Variants in CEP63 observed in about 807,000 individuals in gnomAD.
CEP63 encodes the protein centrosomal protein of 63 kDa.
Under a neutral mutation model 89.1 loss-of-function variants are expected in CEP63, and 84 were observed. That is an observed-to-expected ratio of 0.94 (90% CI 0.79 to 1.13). The LOEUF (loss-of-function observed/expected upper bound fraction) is 1.13, where lower values mean the gene tolerates loss of function less well. CEP63 is among the 50% of genes most tolerant of loss of function. The probability of loss-of-function intolerance (pLI) is 0.00; values close to 1 mark genes in which losing one functional copy is unlikely to be tolerated. For synonymous variants in CEP63, 267 were observed against 272.5 expected (o/e 0.98, Z 0.20); for missense variants, 838 against 813.3 (o/e 1.03, Z -0.37).
chr3:134,547,218 C>T (rs531789857), intron 8 of CEP63, 117 bp from the exon 9 acceptor site: 13 of 880,628 alleles, frequency 1.5e-5, no homozygotes, highest in Non-Finnish European at 2.4e-5. Context: ...AAGCAGGAGA[C>T]AAACTTGAAG....
intron 1 of CEP63, among the ~76,000 whole-genome samples, chr3:134,494,163 T>G (rs554674528): frequency 6.6e-6 from 1 of 152,054 alleles, no homozygotes; most frequent in African/African-American, 2.4e-5. Context: ...CCACCCAGGC[T>G]GTAGTGCAAT....
chr3:134,756,153 A>G, the CEP63 span, among the ~76,000 whole-genome samples: 2 of 152,214 alleles, frequency 1.3e-5, no homozygotes, highest in Non-Finnish European at 2.9e-5. Flanking sequence ...TTGGGTCTAA[A>G]TGGCATCTTA....
the CEP63 span, among the ~76,000 whole-genome samples, chr3:134,708,856 A>G: frequency 4.6e-5 from 7 of 152,190 alleles, no homozygotes; most frequent in South Asian, 6.2e-4. Context: ...GGGGCAGCCA[A>G]TCACAGTCAC....
intron 3 of CEP63, among the ~76,000 whole-genome samples, chr3:134,512,574 T>C (rs938130114): frequency 6.6e-6 from 1 of 152,174 alleles, no homozygotes; most frequent in Non-Finnish European, 1.5e-5. Flanking sequence ...AAAATAGTAA[T>C]CTTCCCCACC....
At chr3:134,648,518 A>G in the CEP63 span, among the ~76,000 whole-genome samples, 1 of 152,196 alleles carries the variant, frequency 6.6e-6, no homozygotes, top group East Asian at 1.9e-4. Flanking sequence ...CTGCAGGAGT[A>G]TATGCACTCT....
chr3:134,516,530 C>T (rs1007953173), intron 3 of CEP63, among the ~76,000 whole-genome samples: 1 of 152,128 alleles, frequency 6.6e-6, no homozygotes, highest in South Asian at 2.1e-4. Flanking sequence ...CCCATGAGGC[C>T]GAATTTCAGA....
At chr3:134,541,511 T>C (rs988694868) in intron 6 of CEP63, among the ~76,000 whole-genome samples, 42 of 135,906 alleles carry the variant, frequency 3.1e-4, no homozygotes, top group Non-Finnish European at 4.9e-4. Context: ...ACTAGCCAAC[T>C]TTTTTTTTTT....
chr3:134,668,029 C>G, the CEP63 span, among the ~76,000 whole-genome samples: 1 of 152,212 alleles, frequency 6.6e-6, no homozygotes, highest in Non-Finnish European at 1.5e-5. Context: ...CCTGGTGACA[C>G]GTCCTGGGAG....
At chr3:134,525,481 T>A (rs1422953780) in intron 3 of CEP63, among the ~76,000 whole-genome samples, 1 of 152,216 alleles carries the variant, frequency 6.6e-6, no homozygotes, top group Non-Finnish European at 1.5e-5. Flanking sequence ...TTTATCCAGC[T>A]TGCCATTCTG....
intron 3 of CEP63, among the ~76,000 whole-genome samples, chr3:134,516,241 C>G (rs1425999278): frequency 1.3e-5 from 2 of 152,180 alleles, no homozygotes; most frequent in African/African-American, 4.8e-5. Context: ...AAGTGCTGTG[C>G]TTTAGATATG....
Position 134,559,200 on chromosome 3 carries a change from A to G in CEP63, c.1724A>G (p.Lys575Arg), listed in dbSNP as rs200844433. ...GATGGAATAAAGACTGAGCACTACA[A>G]AACAGATCTTCATTCTCCAAGAGGA... The part of the protein sequence containing the change: ...RHDGIKTEHY[K>R]TDLHSPRGQA... Residue 575 changes from lysine to arginine, a missense_variant, in exon 14 of 15, where the codon AAA (lysine) becomes AGA (arginine). Coordinates refer to ENST00000675561, the MANE Select transcript of CEP63 (RefSeq NM_001353108.3). 1.9e-6 allele frequency: 3 copies of G among 1,614,178 alleles called. No individual in the cohort carries two copies. Among genetic ancestry groups the G allele is most frequent in the Non-Finnish European group, 1.7e-6 (2 of 1,180,008 alleles).
At chr3:134,621,025 A>C in the CEP63 span, among the ~76,000 whole-genome samples, 1 of 152,156 alleles carries the variant, frequency 6.6e-6, no homozygotes. Flanking sequence ...AGGTGGGGGA[A>C]GTTGGACAGG....
the CEP63 span, among the ~76,000 whole-genome samples, chr3:134,637,483 C>G: frequency 6.6e-6 from 1 of 152,180 alleles, no homozygotes; most frequent in Non-Finnish European, 1.5e-5. Context: ...CTGAGTAGTC[C>G]TGTAGTAAAG....
Position 134,546,251 on chromosome 3 carries a change from A to G in CEP63, c.892A>G (p.Lys298Glu), listed in dbSNP as rs1421555300. 1 of 1,613,890 alleles carries G rather than the reference A, an allele frequency of 6.2e-7. No individual in the cohort carries two copies. The highest frequency in any genetic ancestry group is 8.5e-7 in the Non-Finnish European group (1 of 1,179,824). Residue 298 changes from lysine (K) to glutamate (E), a missense_variant, in exon 8 of 15, where the codon AAG (lysine) becomes GAG (glutamate). By Grantham distance (56) the Lys-to-Glu change is moderately conservative. Coordinates refer to ENST00000675561, the MANE Select transcript of CEP63 (RefSeq NM_001353108.3). ...AAAGGAGAAGTTACAAGAAAAAGTAAAGGCAACTAACACTCAACATGCTGT... is the reference window on the plus strand; with the variant it reads ...AAAGGAGAAGTTACAAGAAAAAGTAGAGGCAACTAACACTCAACATGCTGT... ...IQKEKLQEKVKATNTQHAVEA... is the reference protein window; with the variant it reads ...IQKEKLQEKVEATNTQHAVEA...
chr3:134,755,888 T>A, the CEP63 span, among the ~76,000 whole-genome samples: 1 of 152,204 alleles, frequency 6.6e-6, no homozygotes, highest in Admixed American at 6.5e-5. Flanking sequence ...ACTCATACTT[T>A]GCCCCTGAGG....
Position 134,564,395 on chromosome 3 carries a change from C to G in CEP63, c.*2860C>G, listed in dbSNP as rs530875491. 1.0e-6 allele frequency: 1 copy of G among 985,488 alleles called. No homozygotes were observed. The highest frequency in any genetic ancestry group is 4.7e-5 in the South Asian group (1 of 21,290). The allele number at this position is 985,488 out of a possible 1,614,324, so 61.0% of individuals were successfully genotyped here. On this transcript the variant is annotated 3_prime_UTR_variant, in exon 15 of 15. Transcript: ENST00000675561. ...CTTTATCTGGCTTGGCAAAGCTTTC[C>G]CATATCCCCTGACCCATGTCAGGGA...
At chr3:134,584,965 T>TTTTG (rs764613716) in intron 10 of CEP63, among the ~76,000 whole-genome samples, 1 of 134,782 alleles carries the variant, frequency 7.4e-6, no homozygotes, top group Non-Finnish European at 1.6e-5. Context: ...GGTTTTTTTT[T>TTTTG]TTTTTTTTTG....
chr3:134,780,107 C>T, the CEP63 span, among the ~76,000 whole-genome samples: 17 of 152,218 alleles, frequency 1.1e-4, no homozygotes, highest in African/African-American at 3.6e-4. Flanking sequence ...ATTATGTTTA[C>T]CTATCAGTGG....
At chr3:134,576,568 C>G (rs1958217931), downstream of CEP63, among the ~76,000 whole-genome samples, 1 of 152,238 alleles carries the variant, frequency 6.6e-6, no homozygotes, top group African/African-American at 2.4e-5. Flanking sequence ...GGCCTCAAAG[C>G]CAGCTTGCCA....
Sources: allele counts gnomAD v4.1 joint callset (sites outside exome capture counted in the v4.1 genomes callset), GRCh38; gene constraint gnomAD v4.1.1; transcripts MANE v1.5; gene names NCBI Gene and HGNC (gene_info 2026-07-23, HGNC 2026-07-21).